SYN3: variants seen among roughly 807,000 people sequenced by gnomAD.
SYN3 encodes the protein synapsin III.
Under a neutral mutation model 65.8 loss-of-function variants are expected in SYN3, and 35 were observed. The ratio of observed to expected loss-of-function variants is 0.53; its 90% CI spans 0.41 to 0.70. SYN3 has a LOEUF of 0.70. Ranked by LOEUF, SYN3 falls within the 30% of genes least tolerant of loss-of-function variation. The pLI, the probability that SYN3 is intolerant of heterozygous loss-of-function variation, is 0.00. For missense variants in SYN3, 680 were observed against 749.0 expected, an observed-to-expected ratio of 0.91 and a Z score of 1.08; for synonymous variants, 270 against 292.9, an observed-to-expected ratio of 0.92 and a Z score of 0.80.
At chr22:32,965,748 T>A (rs1207924153) in intron 3 of SYN3, among the ~76,000 whole-genome samples, 3 of 152,136 alleles carry the variant, frequency 2.0e-5, no homozygotes, top group Non-Finnish European at 4.4e-5. Flanking sequence ...CAGGCTGAAG[T>A]GAGTGGCACG....
chr22:32,701,256 C>T (rs958279107), intron 6 of SYN3, among the ~76,000 whole-genome samples: 5 of 152,172 alleles, frequency 3.3e-5, no homozygotes, highest in Non-Finnish European at 7.4e-5. Flanking sequence ...GAATAATTAG[C>T]TGTTACAGAA....
intron 7 of SYN3, among the ~76,000 whole-genome samples, chr22:32,560,119 CAG>C (rs1010351267): frequency 1.3e-5 from 2 of 152,230 alleles, no homozygotes; most frequent in African/African-American, 4.8e-5. Context: ...AGGGAAGAAT[CAG>C]GGGAGAAGGA....
At chr22:32,718,207 A>T (rs191368924) in intron 6 of SYN3, among the ~76,000 whole-genome samples, 42 of 152,226 alleles carry the variant, frequency 2.8e-4, no homozygotes, top group African/African-American at 1.0e-3. Context: ...TGGGGAGCTT[A>T]CGGCCTTGCT....
intron 7 of SYN3, among the ~76,000 whole-genome samples, chr22:32,565,316 T>C (rs2058657780): frequency 6.6e-6 from 1 of 152,212 alleles, no homozygotes; most frequent in Admixed American, 6.5e-5. Context: ...AGCATTGTTG[T>C]CTCTGGAACT....
chr22:33,022,683 C>G (rs2053579476), intron 1 of SYN3, among the ~76,000 whole-genome samples: 1 of 152,130 alleles, frequency 6.6e-6, no homozygotes, highest in African/African-American at 2.4e-5. Flanking sequence ...TTGGAGAACA[C>G]CCCAGGGTGT....
chr22:32,723,845 G>A (rs943629505), intron 6 of SYN3, among the ~76,000 whole-genome samples: 1 of 152,260 alleles, frequency 6.6e-6, no homozygotes, highest in Non-Finnish European at 1.5e-5. Flanking sequence ...GAGGCCCCAG[G>A]GATAGGGGAG....
rs143014957 is a variant in SYN3 at position 32,754,254 on chromosome 22, C to T, written c.711+110661G>A. 8.1e-3 allele frequency among the ~76,000 whole-genome samples: 1,236 copies of T among 152,238 alleles called. 16 individuals are homozygous for T. Among genetic ancestry groups the T allele is most frequent in the African/African-American group, 0.028 (1,153 of 41,536 alleles). On this transcript the variant is annotated intron_variant, in intron 6 of 13. Coordinates refer to ENST00000358763, the MANE Select transcript of SYN3 (RefSeq NM_003490.4). ...GCAACCTCTGCCTCCCGGGTTCAAGCGATTCTCCTGTCTCAGCCTCTCAAG... is the reference window on the plus strand; with the variant it reads ...GCAACCTCTGCCTCCCGGGTTCAAGTGATTCTCCTGTCTCAGCCTCTCAAG...
At chr22:32,931,554 GTAC>G in intron 3 of SYN3, 73 bp from the exon 4 acceptor site, 3 of 978,994 alleles carry the variant, frequency 3.1e-6, no homozygotes, top group Non-Finnish European at 4.9e-6. Context: ...CACATATTGG[GTAC>G]TTAGAGGTAC....
intron 6 of SYN3, among the ~76,000 whole-genome samples, chr22:32,633,193 A>G (rs1056642571): frequency 6.6e-6 from 1 of 152,232 alleles, no homozygotes; most frequent in African/African-American, 2.4e-5. Context: ...TAACTAAATC[A>G]TCAGTTATTA....
At chr22:32,984,161 C>CAAAAAAAAAAAAAAAAAAGAAAAAA (rs2052454257) in intron 2 of SYN3, among the ~76,000 whole-genome samples, 1 of 93,016 alleles carries the variant, frequency 1.1e-5, no homozygotes, top group Non-Finnish European at 2.1e-5. Context: ...AAACTCCATC[C>CAAAAAAAAAAAAAAAAAAGAAAAAA]AAAAAAAAAA....
At chr22:32,903,471 T>A (rs927328662) in intron 4 of SYN3, among the ~76,000 whole-genome samples, 2 of 152,190 alleles carry the variant, frequency 1.3e-5, no homozygotes, top group Non-Finnish European at 2.9e-5. Flanking sequence ...ACAACTGTTC[T>A]GGGGCCTTTT....
At chr22:33,049,455 AT>A (rs1425970888) in intron 1 of SYN3, among the ~76,000 whole-genome samples, 3 of 152,164 alleles carry the variant, frequency 2.0e-5, no homozygotes, top group Non-Finnish European at 2.9e-5. Flanking sequence ...AATAATTTGA[AT>A]TTCTGAAGCC....
At chr22:32,812,784 C>T (rs1209288390) in intron 6 of SYN3, among the ~76,000 whole-genome samples, 2 of 152,184 alleles carry the variant, frequency 1.3e-5, no homozygotes, top group Admixed American at 6.5e-5. Flanking sequence ...TTAGATCAAA[C>T]GTGTGCCCCA....
rs1389453484 is a variant in SYN3, at chr22:32,546,927, C to T, written c.775-5214G>A. On this transcript the variant is annotated intron_variant, in intron 7 of 13. Coordinates refer to ENST00000358763, the MANE Select transcript of SYN3 (RefSeq NM_003490.4). Reference sequence around the variant, plus strand: ...CTTGCCTTCTCACTCTCTCCTCCCTCCCTTTTCTCCCCTTTCCTCTAACAC... The same window carrying T: ...CTTGCCTTCTCACTCTCTCCTCCCTTCCTTTTCTCCCCTTTCCTCTAACAC... Among the ~76,000 whole-genome samples, 4 of 89,338 alleles carry T rather than the reference C, an allele frequency of 4.5e-5. No individual in the cohort carries two copies. In the East Asian group the frequency reaches 1.8e-3, roughly 41 times the overall value. 58.6% of individuals were successfully genotyped at this position (89,338 alleles called of 152,430 possible).
chr22:32,638,001 ATTG>A (rs929474508), intron 6 of SYN3, among the ~76,000 whole-genome samples: 12 of 151,996 alleles, frequency 7.9e-5, no homozygotes, highest in Non-Finnish European at 1.8e-4. Context: ...TTCAGTGACT[ATTG>A]TTGTCATCTT....
chr22:32,949,902 T>C (rs1028871641), intron 3 of SYN3, among the ~76,000 whole-genome samples: 1 of 152,166 alleles, frequency 6.6e-6, no homozygotes, highest in Non-Finnish European at 1.5e-5. Flanking sequence ...AATGTGAAGG[T>C]AGCAGCTGTC....
chr22:32,886,729 A>T (rs758672443), intron 4 of SYN3, among the ~76,000 whole-genome samples: 1 of 152,194 alleles, frequency 6.6e-6, no homozygotes, highest in Non-Finnish European at 1.5e-5. Context: ...CTGATGTTTC[A>T]GTGACTATGG....
intron 6 of SYN3, among the ~76,000 whole-genome samples, chr22:32,719,423 T>C (rs1002175372): frequency 1.3e-5 from 2 of 152,210 alleles, no homozygotes; most frequent in African/African-American, 4.8e-5. Flanking sequence ...CATTTGTTCA[T>C]TTTCCCCACC....
intron 6 of SYN3, among the ~76,000 whole-genome samples, chr22:32,683,020 CATT>C (rs1385206452): frequency 6.6e-6 from 1 of 152,146 alleles, no homozygotes; most frequent in Non-Finnish European, 1.5e-5. Context: ...AAAATATCTA[CATT>C]AGGGTCTTTC....
Sources: allele counts gnomAD v4.1 joint callset (sites outside exome capture counted in the v4.1 genomes callset), GRCh38; gene constraint gnomAD v4.1.1; transcripts MANE v1.5; gene names NCBI Gene and HGNC (gene_info 2026-07-23, HGNC 2026-07-21).